Variants in AMMECR1L observed in about 807,000 individuals in gnomAD.
The protein encoded by AMMECR1L is AMMECR1-like protein.
Under a neutral mutation model 36.8 loss-of-function variants are expected in AMMECR1L, and 4 were observed. That is an observed-to-expected ratio of 0.11 (90% confidence interval 0.05 to 0.25). The LOEUF (loss-of-function observed/expected upper bound fraction) is 0.25, where lower values mean the gene tolerates loss of function less well. Among genes scored for constraint, AMMECR1L ranks in the 10% least tolerant of loss-of-function variants. The pLI is 1.00. For missense variants in AMMECR1L, 232 were observed against 392.1 expected, an observed-to-expected ratio of 0.59 and a Z score of 3.45; for synonymous variants, 147 against 148.0, an observed-to-expected ratio of 0.99 and a Z score of 0.05.
intron 1 of AMMECR1L, 138 bp downstream of exon 1, chr2:127,885,672 C>T (rs1392354652): frequency 6.9e-5 from 68 of 983,548 alleles, no homozygotes; most frequent in Non-Finnish European, 7.4e-5. Context: ...CGGACCCTCG[C>T]CCCAGGACCG....
chr2:127,879,320 C>A (rs1050052167), intron 2 of AMMECR1L, among the ~76,000 whole-genome samples: 1 of 152,252 alleles, frequency 6.6e-6, no homozygotes, highest in South Asian at 2.1e-4. Flanking sequence ...TGACAGTGAG[C>A]GCCTTCTCTC....
chr2:127,885,191 G>C (rs960733984), intron 1 of AMMECR1L: 4 of 985,284 alleles, frequency 4.1e-6, no homozygotes, highest in South Asian at 9.4e-5. Flanking sequence ...GTGCGAAAAA[G>C]AGAAGAGGAG....
In AMMECR1L at chr2:127,862,825, C is replaced by G. The variant is rs967578417; in HGVS notation, c.*2269G>C. The G allele has an allele frequency of 6.6e-6, 1 of 152,036 alleles. No homozygotes were observed. Among genetic ancestry groups the G allele is most frequent in the African/African-American group, 2.4e-5 (1 of 41,304 alleles). 9.4% of individuals were successfully genotyped at this position (152,036 alleles called of 1,614,324 possible). A position where few individuals can be genotyped will look rare whatever the true frequency, so the allele number is the denominator to read the frequency against. ...CCCATTTCTCGGGTTTTAAAATTTT[C>G]TATTCATTTTCTTAAATGGCAGGTA... is the stretch of plus-strand genomic sequence containing the variant. On this transcript the variant is annotated 3_prime_UTR_variant, in exon 8 of 8. Transcript: ENST00000272647.
At chr2:127,868,898 T>C (rs1276614140) in intron 6 of AMMECR1L, among the ~76,000 whole-genome samples, 1 of 151,064 alleles carries the variant, frequency 6.6e-6, no homozygotes, top group African/African-American at 2.4e-5. Flanking sequence ...CTAATTTTTA[T>C]ATTTTTAGTA....
Position 127,885,053 on chromosome 2 carries a change from G to A in AMMECR1L, c.-148-741C>T, listed in dbSNP as rs532419125. 3.4e-5 allele frequency: 19 copies of A among 556,950 alleles called. No individual in the cohort carries two copies. In the African/African-American group the frequency reaches 4.1e-4, roughly 12 times the overall value. 34.5% of individuals were successfully genotyped at this position (556,950 alleles called of 1,614,324 possible). A position where few individuals can be genotyped will look rare whatever the true frequency, so the allele number is the denominator to read the frequency against. ...AGTTCAGATCAGGACAGGGAATGTAGGAGGGCAAGGAGTGAAGGGCACAAC... is the reference window on the plus strand; with the variant it reads ...AGTTCAGATCAGGACAGGGAATGTAAGAGGGCAAGGAGTGAAGGGCACAAC... On this transcript the variant is annotated intron_variant, in intron 1 of 7. Transcript: ENST00000272647.
chr2:127,874,248 T>C lies in AMMECR1L; in HGVS notation c.-14A>G. On this transcript the variant is annotated 5_prime_UTR_variant, in exon 3 of 8. Coordinates refer to ENST00000272647, the MANE Select transcript of AMMECR1L (RefSeq NM_001199140.2). The surrounding 1 kb of genome is among the most constrained non-coding windows in gnomAD (Gnocchi z 5.2). ...TCTTTTTCCCATCCTGATTCAGTGC[T>C]CAAGGTCTGGAATGCTGCAGAACCC... is the stretch of plus-strand genomic sequence containing the variant. 6.2e-7 allele frequency: 1 copy of C among 1,613,632 alleles called. No individual in the cohort carries two copies. The highest frequency in any genetic ancestry group is 8.5e-7 in the Non-Finnish European group (1 of 1,179,922).
In AMMECR1L at chr2:127,865,935, C is replaced by G. The variant is rs1690666904; in HGVS notation, c.822-730G>C. ...AGCCATCTCTTTCCCACTGTAATCA[C>G]TCCTCCACTGCAAGGTGATTATTCC... On this transcript the variant is annotated intron_variant, in intron 7 of 7. Coordinates refer to ENST00000272647, the MANE Select transcript of AMMECR1L (RefSeq NM_001199140.2). This position sits in a 1 kb window ranked among gnomAD's most constrained non-coding sequence, Gnocchi z 5.4. Among the ~76,000 whole-genome samples, 1 of 152,234 alleles carries G rather than the reference C, an allele frequency of 6.6e-6. No homozygotes were observed. Among genetic ancestry groups the G allele is most frequent in the African/African-American group, 2.4e-5 (1 of 41,458 alleles).
chr2:127,873,440 C>T lies in AMMECR1L; in HGVS notation c.407+388G>A, dbSNP rs1027309917. 3.0e-6 allele frequency: 3 copies of T among 985,450 alleles called. No individual in the cohort carries two copies. Among genetic ancestry groups the T allele is most frequent in the Non-Finnish European group, 3.6e-6 (3 of 829,940 alleles). The allele number at this position is 985,450 out of a possible 1,614,324, so 61.0% of individuals were successfully genotyped here. On this transcript the variant is annotated intron_variant, in intron 3 of 7. Transcript: ENST00000272647. The surrounding 1 kb of genome is among the most constrained non-coding windows in gnomAD (Gnocchi z 5.2). ...CCCAGTGAATGAGAGCTCCTAGTCT[C>T]CAGCCTGGCCCTCAGACTTCCAACT...
chr2:127,873,337 A>G lies in AMMECR1L; in HGVS notation c.407+491T>C. On this transcript the variant is annotated intron_variant, in intron 3 of 7. Transcript: ENST00000272647. The surrounding 1 kb of genome is among the most constrained non-coding windows in gnomAD (Gnocchi z 5.2). ...AAGCAGATTCTGACTTCTTGATGGG[A>G]TGTGAGTGGCCCTACAGGTTTACCA... 1 of 985,482 alleles carries G rather than the reference A, an allele frequency of 1.0e-6. No homozygotes were observed. The highest frequency in any genetic ancestry group is 1.7e-5 in the African/African-American group (1 of 57,382). 61.0% of individuals were successfully genotyped at this position (985,482 alleles called of 1,614,324 possible).
intron 7 of AMMECR1L, among the ~76,000 whole-genome samples, chr2:127,866,491 T>A (rs1271245403): frequency 6.6e-6 from 1 of 152,256 alleles, no homozygotes; most frequent in African/African-American, 2.4e-5. Flanking sequence ...CATTTCCTTT[T>A]AACTTTTTGT....
chr2:127,868,463 C>G (rs1451965752), intron 6 of AMMECR1L, among the ~76,000 whole-genome samples: 1 of 152,124 alleles, frequency 6.6e-6, no homozygotes, highest in Non-Finnish European at 1.5e-5. Flanking sequence ...AAAAACCAAC[C>G]AGGCAATCGT....
In AMMECR1L at chr2:127,869,033, T is replaced by C. The variant is rs190404304; in HGVS notation, c.724+421A>G. The stretch of plus-strand genomic sequence containing the variant: ...CCACCACGCCTGGCCGACTACTGAG[T>C]TCTTTAAAAAACAGTAGGGACTATG... On this transcript the variant is annotated intron_variant, in intron 6 of 7. Coordinates refer to ENST00000272647, the MANE Select transcript of AMMECR1L (RefSeq NM_001199140.2). The surrounding 1 kb of genome is among the most constrained non-coding windows in gnomAD (Gnocchi z 4.7). Among the ~76,000 whole-genome samples, 381 of 152,170 alleles carry C rather than the reference T, an allele frequency of 2.5e-3. No individual in the cohort carries two copies. The highest frequency in any genetic ancestry group is 4.0e-3 in the Admixed American group (61 of 15,278).
chr2:127,867,681 G>C (rs1690751863), intron 6 of AMMECR1L, among the ~76,000 whole-genome samples: 2 of 152,118 alleles, frequency 1.3e-5, no homozygotes, highest in African/African-American at 4.8e-5. Flanking sequence ...AGGAGGTCAA[G>C]ACTGCAGTGA....
intron 6 of AMMECR1L, among the ~76,000 whole-genome samples, chr2:127,868,319 C>A (rs1361891361): frequency 1.3e-5 from 2 of 152,202 alleles, no homozygotes; most frequent in East Asian, 3.9e-4. Flanking sequence ...ATTATTTACA[C>A]CTCCCCATTA....
rs573352764 is a variant in AMMECR1L at position 127,869,074 on chromosome 2, A to G, written c.724+380T>C. Among the ~76,000 whole-genome samples, 13 of 152,262 alleles carry G rather than the reference A, an allele frequency of 8.5e-5. No homozygotes were observed. The East Asian group carries it at 2.5e-3, about 29-fold the overall frequency. On this transcript the variant is annotated intron_variant, in intron 6 of 7. Coordinates refer to ENST00000272647, the MANE Select transcript of AMMECR1L (RefSeq NM_001199140.2). This position sits in a 1 kb window ranked among gnomAD's most constrained non-coding sequence, Gnocchi z 4.7. ...AGGGACTATGTTTACACCCTTTGCC[A>G]TGTATAATATTGTTTAATGATTTGT...
rs1691363078 is a variant in AMMECR1L at position 127,878,826 on chromosome 2, C to G, written c.-38-4554G>C. 2.0e-5 allele frequency among the ~76,000 whole-genome samples: 3 copies of G among 152,196 alleles called. No homozygotes were observed. In the South Asian group the frequency reaches 6.2e-4, roughly 31 times the overall value. On this transcript the variant is annotated intron_variant, in intron 2 of 7. Coordinates refer to ENST00000272647, the MANE Select transcript of AMMECR1L (RefSeq NM_001199140.2). Reference sequence around the variant, plus strand: ...CTAAATAACCAATTCAACTGATAGTCTCAGTTGAGTTTTAGTGACCAAAAG... The same window carrying G: ...CTAAATAACCAATTCAACTGATAGTGTCAGTTGAGTTTTAGTGACCAAAAG...
rs954278421 is a variant in AMMECR1L at position 127,876,388 on chromosome 2, G to A, written c.-38-2116C>T. Among the ~76,000 whole-genome samples the A allele has an allele frequency of 2.0e-4, 30 of 151,338 alleles. 1 individual carries two copies. The highest frequency in any genetic ancestry group is 4.8e-4 in the African/African-American group (20 of 41,262). On this transcript the variant is annotated intron_variant, in intron 2 of 7. Coordinates refer to ENST00000272647, the MANE Select transcript of AMMECR1L (RefSeq NM_001199140.2). ...AAAAAAGGTGGTAGGGGGGCGGTGC[G>A]GTGTGCGGTGGGGATCCTCTCACTA...
chr2:127,863,102 G>C lies in AMMECR1L; in HGVS notation c.*1992C>G, dbSNP rs1196064083. The stretch of plus-strand genomic sequence containing the variant: ...ACTCTTAACATAGAACACTTGAACA[G>C]TAATGAGTGTAGCCCTATGTATCAA... On this transcript the variant is annotated 3_prime_UTR_variant, in exon 8 of 8. Coordinates refer to ENST00000272647, the MANE Select transcript of AMMECR1L (RefSeq NM_001199140.2). 2 of 152,580 alleles carry C rather than the reference G, an allele frequency of 1.3e-5. No individual in the cohort carries two copies. The highest frequency in any genetic ancestry group is 3.8e-4 in the East Asian group (2 of 5,196). The allele number at this position is 152,580 out of a possible 1,614,324, so 9.5% of individuals were successfully genotyped here.
In AMMECR1L at chr2:127,869,421, A is replaced by C. The variant is rs1573541222; in HGVS notation, c.724+33T>G. On this transcript the variant is annotated intron_variant, in intron 6 of 7. Transcript: ENST00000272647. This position sits in a 1 kb window ranked among gnomAD's most constrained non-coding sequence, Gnocchi z 4.7. ...TTTAACTGGCACCACTGTGAATGAT[A>C]CTTGTCATTAAAATCCCATTCATCC... 6.4e-7 allele frequency: 1 copy of C among 1,572,262 alleles called. No homozygotes were observed. Among genetic ancestry groups the C allele is most frequent in the Admixed American group, 1.7e-5 (1 of 59,962 alleles).
Sources: gnomAD v4.1 joint callset for allele counts (sites outside exome capture counted in the v4.1 genomes callset) on GRCh38, gnomAD v4.1.1 for gene constraint, Gnocchi (gnomAD v3.1) non-coding constraint, MANE v1.5 for transcripts, NCBI Gene and HGNC (gene_info 2026-07-23, HGNC 2026-07-21) for gene names.